Variants in CTBS observed in about 807,000 individuals in gnomAD.
The protein encoded by CTBS is chitobiase.
In CTBS, 35 loss-of-function variants were observed where a neutral mutation model predicts 44.3. That is an observed-to-expected ratio of 0.79 (90% confidence interval 0.60 to 1.05). The LOEUF (loss-of-function observed/expected upper bound fraction) is 1.05, where lower values mean the gene tolerates loss of function less well. CTBS is among the 50% of genes least tolerant of loss of function. The probability of loss-of-function intolerance (pLI) is 0.00; values close to 1 mark genes in which losing one functional copy is unlikely to be tolerated. For synonymous variants in CTBS, 143 were observed against 168.0 expected, an observed-to-expected ratio of 0.85 and a Z score of 1.15; for missense variants, 458 against 475.3, an observed-to-expected ratio of 0.96 and a Z score of 0.34.
Position 84,574,335 on chromosome 1 carries a change from C to T in CTBS, c.81G>A (p.Leu27=). The change falls in exon 1 of 7, where the codon CTG becomes CTA. Residue 27 remains leucine, a synonymous_variant. Coordinates refer to ENST00000370630, the MANE Select transcript of CTBS (RefSeq NM_004388.3). Reference sequence around the variant, plus strand: ...CGAGCCGCAGCGCCAGCAGCGCCAGCAGCGCCAGCAGCGCTAGACCCGGGA... The same window carrying T: ...CGAGCCGCAGCGCCAGCAGCGCCAGTAGCGCCAGCAGCGCTAGACCCGGGA... ...SGVPGLALLA[L]LALLALRLAA... 6.4e-7 allele frequency: 1 copy of T among 1,571,900 alleles called. No homozygotes were observed. Among genetic ancestry groups the T allele is most frequent in the East Asian group, 2.3e-5 (1 of 42,558 alleles).
chr1:84,574,086 T>C (rs1038298580), intron 1 of CTBS, 153 bp downstream of exon 1: 22 of 1,458,304 alleles, frequency 1.5e-5, no homozygotes, highest in South Asian at 1.5e-4. Flanking sequence ...CTTCCTCATC[T>C]ATAAATTGAA....
chr1:84,571,481 A>T (rs1052831404), intron 1 of CTBS, among the ~76,000 whole-genome samples: 1 of 152,264 alleles, frequency 6.6e-6, no homozygotes, highest in Non-Finnish European at 1.5e-5. Context: ...AATAGTACCT[A>T]GGTCAAATTC....
intron 4 of CTBS, 116 bp from the exon 5 acceptor site, chr1:84,563,948 A>C: frequency 8.4e-7 from 1 of 1,192,354 alleles, no homozygotes; most frequent in Non-Finnish European, 1.1e-6. Context: ...TATAAAAAAC[A>C]CTAATATTGT....
chr1:84,574,369 G>T lies in CTBS; in HGVS notation c.47C>A (p.Pro16Gln), dbSNP rs1343721863. The T allele has an allele frequency of 6.4e-7, 1 of 1,567,950 alleles. No individual in the cohort carries two copies. Among genetic ancestry groups the T allele is most frequent in the Non-Finnish European group, 8.6e-7 (1 of 1,157,108 alleles). ...CAGCGCTAGACCCGGGACGCCGCTC[G>T]GCGGGCTAGAGACGAGGCGCCAGCG... is the stretch of plus-strand genomic sequence containing the variant. Reference protein sequence around the residue: ...LRRWRLVSSPPSGVPGLALLA... With the variant: ...LRRWRLVSSPQSGVPGLALLA... Residue 16 changes from proline (P) to glutamine (Q), a missense_variant, in exon 1 of 7, where the codon CCG (proline) becomes CAG (glutamine). Coordinates refer to ENST00000370630, the MANE Select transcript of CTBS (RefSeq NM_004388.3).
At chr1:84,557,567 A>G (rs1684479025) in intron 6 of CTBS, among the ~76,000 whole-genome samples, 1 of 148,828 alleles carries the variant, frequency 6.7e-6, no homozygotes, top group Non-Finnish European at 1.5e-5. Flanking sequence ...AAAAAAAAAA[A>G]GAAGGAGGCT....
In CTBS at chr1:84,550,547, C is replaced by T; in HGVS notation, c.*4452G>A. The T allele has an allele frequency of 6.7e-7, 1 of 1,493,316 alleles. No homozygotes were observed. Among genetic ancestry groups the T allele is most frequent in the South Asian group, 1.4e-5 (1 of 73,540 alleles). 92.5% of individuals were successfully genotyped at this position (1,493,316 alleles called of 1,614,324 possible). ...GAAGTTAAGGTAATTTACATTTTTC[C>T]TAATCAGATTATTATAACATTTATC... On this transcript the variant is annotated 3_prime_UTR_variant, in exon 7 of 7. Transcript: ENST00000370630.
In CTBS at chr1:84,553,182, T is replaced by C. The variant is rs1001964304; in HGVS notation, c.*1817A>G. The stretch of plus-strand genomic sequence containing the variant: ...AATTTAAATATGTATTTGAACAGAT[T>C]TGTTTAACCATTATTCTCCTTGGCA... On this transcript the variant is annotated 3_prime_UTR_variant, in exon 7 of 7. Coordinates refer to ENST00000370630, the MANE Select transcript of CTBS (RefSeq NM_004388.3). The C allele has an allele frequency of 1.2e-5, 12 of 988,966 alleles. No homozygotes were observed. Among genetic ancestry groups the C allele is most frequent in the Admixed American group, 9.9e-5 (3 of 30,290 alleles). 61.3% of individuals were successfully genotyped at this position (988,966 alleles called of 1,614,324 possible).
At position 84,550,494 on chromosome 1, in the gene CTBS, A is replaced by G. The variant is rs1400777; in HGVS notation, c.*4505T>C. The stretch of plus-strand genomic sequence containing the variant: ...CAATTGACCAGCTTAAGAGAAAACT[A>G]GATACTGACAAAATGAAACTCATAG... On this transcript the variant is annotated 3_prime_UTR_variant, in exon 7 of 7. Coordinates refer to ENST00000370630, the MANE Select transcript of CTBS (RefSeq NM_004388.3). 0.38 allele frequency: 591,723 copies of G among 1,555,480 alleles called. 119,051 individuals are homozygous for G. Among genetic ancestry groups the G allele is most frequent in the African/African-American group, 0.7 (51,166 of 72,602 alleles).
At chr1:84,570,852 G>A in intron 1 of CTBS, 132 bp from the exon 2 acceptor site, 1 of 767,658 alleles carries the variant, frequency 1.3e-6, no homozygotes, top group Non-Finnish European at 2.0e-6. Flanking sequence ...ATAAGACATA[G>A]GGGTCCCAAG....
chr1:84,570,786 G>T, intron 1 of CTBS, 66 bp from the exon 2 acceptor site: 1 of 1,502,206 alleles, frequency 6.7e-7, no homozygotes, highest in Non-Finnish European at 9.1e-7. Context: ...CCAAAATACC[G>T]TTCATCAAAC....
intron 6 of CTBS, among the ~76,000 whole-genome samples, chr1:84,559,530 G>A (rs747214072): frequency 4.6e-5 from 7 of 152,038 alleles, no homozygotes; most frequent in African/African-American, 9.7e-5. Flanking sequence ...GCTAAGGCAC[G>A]AGACTCACTT....
chr1:84,561,451 A>G (rs1406356804), intron 6 of CTBS, among the ~76,000 whole-genome samples: 1 of 152,236 alleles, frequency 6.6e-6, no homozygotes, highest in Admixed American at 6.5e-5. Flanking sequence ...TCCTGGTAAA[A>G]TGCTGTGAAC....
chr1:84,550,869 C>G lies in CTBS; in HGVS notation c.*4130G>C. 3.0e-6 allele frequency: 3 copies of G among 986,898 alleles called. No homozygotes were observed. The highest frequency in any genetic ancestry group is 3.6e-6 in the Non-Finnish European group (3 of 830,340). 61.1% of individuals were successfully genotyped at this position (986,898 alleles called of 1,614,324 possible). On this transcript the variant is annotated 3_prime_UTR_variant, in exon 7 of 7. Transcript: ENST00000370630. Reference sequence around the variant, plus strand: ...ATTAAGTCTGATAAACCACTGAGCTCTCCTCTGAACTGACATTTAATTTTT... The same window carrying G: ...ATTAAGTCTGATAAACCACTGAGCTGTCCTCTGAACTGACATTTAATTTTT...
intron 3 of CTBS, 188 bp from the exon 4 acceptor site, chr1:84,566,200 G>C (rs936046661): frequency 3.3e-5 from 9 of 270,332 alleles, no homozygotes. Context: ...GCTTACACTT[G>C]ACTGAGTCAG....
chr1:84,550,401 A>G lies in CTBS; in HGVS notation c.*4598T>C. ...TTAAAAATAAAAATGTTTATATGTT[A>G]TACTAAATAAATATCTATCTATCCA... On this transcript the variant is annotated 3_prime_UTR_variant, in exon 7 of 7. Coordinates refer to ENST00000370630, the MANE Select transcript of CTBS (RefSeq NM_004388.3). The G allele has an allele frequency of 8.6e-7, 1 of 1,166,896 alleles. No individual in the cohort carries two copies. The highest frequency in any genetic ancestry group is 1.8e-5 in the South Asian group (1 of 55,248). 72.3% of individuals were successfully genotyped at this position (1,166,896 alleles called of 1,614,324 possible).
At chr1:84,571,409 T>C (rs1647294929) in intron 1 of CTBS, among the ~76,000 whole-genome samples, 1 of 152,230 alleles carries the variant, frequency 6.6e-6, no homozygotes, top group Non-Finnish European at 1.5e-5. Context: ...TTCTGGCTAC[T>C]GCAGATGGAG....
chr1:84,574,314 CCG>C lies in CTBS; in HGVS notation c.100_101del (p.Arg34AlafsTer13), dbSNP rs1558634693. 1 of 1,552,126 alleles carries C rather than the reference CCG, an allele frequency of 6.4e-7. No individual in the cohort carries two copies. ...ATGGGCAGTCGGTCCCGGCCGCGAG[CCG>C]CAGCGCCAGCAGCGCCAGCAGCGCC... is the stretch of plus-strand genomic sequence containing the variant. ...LLALLALLAL[R>X]LAAGTDCPCP... On this transcript the variant is annotated frameshift_variant, in exon 1 of 7. Transcript: ENST00000370630. LOFTEE classifies it high-confidence loss of function.
chr1:84,566,263 C>T (rs553612182), intron 3 of CTBS: 1 of 186,642 alleles, frequency 5.4e-6, no homozygotes, highest in African/African-American at 2.3e-5. Context: ...TAGAAGATGG[C>T]CTTCAAACTC....
chr1:84,560,197 C>G (rs1201829805), intron 6 of CTBS, among the ~76,000 whole-genome samples: 2 of 151,898 alleles, frequency 1.3e-5, no homozygotes, highest in Non-Finnish European at 2.9e-5. Context: ...GAAACTAGAG[C>G]CTCTTTTCCC....
Sources: gnomAD v4.1 joint callset for allele counts (sites outside exome capture counted in the v4.1 genomes callset) on GRCh38, gnomAD v4.1.1 for gene constraint, MANE v1.5 for transcripts, NCBI Gene and HGNC (gene_info 2026-07-23, HGNC 2026-07-21) for gene names.